The following MYO15A variants were observed in gnomAD, a reference collection of about 807,000 sequenced individuals.
MYO15A encodes the protein myosin XVA, also known as unconventional myosin-XV.
MYO15A carries 308 observed loss-of-function variants against 394.6 expected under a neutral mutation model. The observed-to-expected ratio is 0.78, with a 90% CI of 0.71 to 0.86. The LOEUF (loss-of-function observed/expected upper bound fraction) is 0.86, where lower values mean the gene tolerates loss of function less well. MYO15A is among the 40% of genes least tolerant of loss of function. MYO15A has a pLI of 0.00. For synonymous variants in MYO15A, 1,957 were observed against 2,003.8 expected (o/e 0.98, Z 0.62); for missense variants, 4,606 against 4,799.1 (o/e 0.96, Z 1.19).
At chr17:18,165,480 C>T (rs2046840441) in intron 60 of MYO15A, among the ~76,000 whole-genome samples, 1 of 152,196 alleles carries the variant, frequency 6.6e-6, no homozygotes, top group African/African-American at 2.4e-5. Flanking sequence ...TCTCTCCCTG[C>T]CAGCCTCTGC....
chr17:18,121,721 C>A lies in MYO15A; in HGVS notation c.2921C>A (p.Pro974His). Reference protein sequence around the residue: ...FLQLLGPVPSPTLQPEDPAAD... With the variant: ...FLQLLGPVPSHTLQPEDPAAD... Reference sequence around the variant, plus strand: ...CAGCTCCTGGGCCCTGTGCCATCCCCCACCCTCCAGCCTGAGGATCCAGCT... The same window carrying A: ...CAGCTCCTGGGCCCTGTGCCATCCCACACCCTCCAGCCTGAGGATCCAGCT... Residue 974 changes from proline (P) to histidine (H), a missense_variant, in exon 2 of 66, where the codon CCC becomes CAC. Coordinates refer to ENST00000647165, the MANE Select transcript of MYO15A (RefSeq NM_016239.4). This position sits in a 1 kb window ranked among gnomAD's most constrained non-coding sequence, Gnocchi z 5.3. 6.2e-7 allele frequency: 1 copy of A among 1,601,196 alleles called. No individual in the cohort carries two copies.
Position 18,150,023 on chromosome 17 carries a change from A to G in MYO15A, c.7213-406A>G. The G allele has an allele frequency of 3.1e-6, 1 of 319,452 alleles. No individual in the cohort carries two copies. Among genetic ancestry groups the G allele is most frequent in the East Asian group, 7.4e-5 (1 of 13,440 alleles). 19.8% of individuals were successfully genotyped at this position (319,452 alleles called of 1,614,324 possible). ...GCAGCCAGCCCCCCGGGGCCACTAA[A>G]ATATCTCTATCTGGATGGAGTTGAA... On this transcript the variant is annotated intron_variant, in intron 35 of 65. Coordinates refer to ENST00000647165, the MANE Select transcript of MYO15A (RefSeq NM_016239.4). The surrounding 1 kb of genome is among the most constrained non-coding windows in gnomAD (Gnocchi z 4.4).
In MYO15A at chr17:18,143,791, T is replaced by C; in HGVS notation, c.6041T>C (p.Val2014Ala). Reference protein sequence around the residue: ...PAELAGLLQAVAGLGLAQVPQ... With the variant: ...PAELAGLLQAAAGLGLAQVPQ... Reference sequence around the variant, plus strand: ...GAGCTGGCTGGGCTCTTGCAAGCAGTGGCAGGTGGGTCAGCACCAGGCGGG... The same window carrying C: ...GAGCTGGCTGGGCTCTTGCAAGCAGCGGCAGGTGGGTCAGCACCAGGCGGG... Residue 2014 changes from valine to alanine, a missense_variant, in exon 27 of 66, where the codon GTG becomes GCG. Transcript: ENST00000647165. 1.3e-6 allele frequency: 2 copies of C among 1,585,146 alleles called. No individual in the cohort carries two copies. Among genetic ancestry groups the C allele is most frequent in the Non-Finnish European group, 1.7e-6 (2 of 1,165,884 alleles).
intron 56 of MYO15A, 40 bp downstream of exon 56, chr17:18,160,057 G>A: frequency 1.3e-6 from 2 of 1,588,890 alleles, no homozygotes; most frequent in Non-Finnish European, 1.7e-6. Context: ...CCCTCACTGT[G>A]TCCATGCTCC....
At chr17:18,151,365 C>T in intron 39 of MYO15A, 30 bp from the exon 40 acceptor site, 1 of 1,614,204 alleles carries the variant, frequency 6.2e-7, no homozygotes, top group South Asian at 1.1e-5. Context: ...TGTGGCCTCA[C>T]CCTGTTCCCA....
At chr17:18,154,899 C>T (rs752284251) in intron 45 of MYO15A, 144 bp downstream of exon 45, 26 of 1,056,602 alleles carry the variant, frequency 2.5e-5, no homozygotes, top group Non-Finnish European at 3.2e-5. Context: ...TCTGGCCTCT[C>T]GCATGGCCGG....
chr17:18,152,135 G>C lies in MYO15A; in HGVS notation c.7917G>C (p.Leu2639=). ...AGGTGTCCAGAGAGGCCGTGGCCCT[G>C]GTGAAGCCGGTGACCAGTGCACCAA... The part of the protein sequence containing the change: ...GTQVSREAVA[L]VKPVTSAPRP... Residue 2639 remains leucine, a synonymous_variant, in exon 42 of 66, where the codon CTG becomes CTC. Transcript: ENST00000647165. 1.3e-6 allele frequency: 2 copies of C among 1,551,636 alleles called. No homozygotes were observed. The highest frequency in any genetic ancestry group is 8.7e-7 in the Non-Finnish European group (1 of 1,147,266).
chr17:18,133,501 G>T, intron 12 of MYO15A, 115 bp downstream of exon 12: 2 of 1,372,788 alleles, frequency 1.5e-6, no homozygotes, highest in South Asian at 2.9e-5. Flanking sequence ...ACTTGTTCCT[G>T]TTTTTTTCTT....
chr17:18,133,805 C>T (rs937165853), intron 12 of MYO15A, among the ~76,000 whole-genome samples: 1 of 151,868 alleles, frequency 6.6e-6, no homozygotes, highest in African/African-American at 2.4e-5. Flanking sequence ...TACAGGCACA[C>T]ACCACTACCG....
At chr17:18,167,788 C>T (rs1304308248) in intron 62 of MYO15A, 65 bp downstream of exon 62, 4 of 1,593,624 alleles carry the variant, frequency 2.5e-6, no homozygotes, top group African/African-American at 2.7e-5. Flanking sequence ...AGCCCACCTC[C>T]ACCCTCCTCA....
At chr17:18,130,175 A>G (rs933547545) in intron 7 of MYO15A, among the ~76,000 whole-genome samples, 34 of 152,280 alleles carry the variant, frequency 2.2e-4, no homozygotes, top group African/African-American at 8.2e-4. Context: ...CACCATGCCC[A>G]GCCGATGCTA....
At chr17:18,113,474 AG>A (rs1258824276) in intron 1 of MYO15A, among the ~76,000 whole-genome samples, 1 of 152,174 alleles carries the variant, frequency 6.6e-6, no homozygotes, top group Non-Finnish European at 1.5e-5. Flanking sequence ...ACACAAGCTG[AG>A]CATGGTGGCT....
At chr17:18,171,499 C>T in intron 62 of MYO15A, 139 bp from the exon 63 acceptor site, 1 of 1,317,960 alleles carries the variant, frequency 7.6e-7, no homozygotes, top group Non-Finnish European at 1.1e-6. Flanking sequence ...ACCCCACTTT[C>T]AGCCCATTTA....
Position 18,148,059 on chromosome 17 carries a change from C to T in MYO15A, c.6540C>T (p.Phe2180=), listed in dbSNP as rs2046510350. ...TGTCTGATTATGGGCGGAATGGCTT[C>T]CAGGCTGTGTGTCAGCACCGCCTCA... The part of the protein sequence containing the change: ...KFVSDYGRNG[F]QAVCQHRLMQ... The change falls in exon 31 of 66, where the codon TTC becomes TTT. Residue 2180 remains phenylalanine (F), a synonymous_variant. Transcript: ENST00000647165. This position sits in a 1 kb window ranked among gnomAD's most constrained non-coding sequence, Gnocchi z 4.8. 1 of 1,613,970 alleles carries T rather than the reference C, an allele frequency of 6.2e-7. No individual in the cohort carries two copies. The highest frequency in any genetic ancestry group is 1.1e-5 in the South Asian group (1 of 91,092).
rs749961073 is a variant in MYO15A at position 18,148,222 on chromosome 17, T to A, written c.6691+12T>A. The stretch of plus-strand genomic sequence containing the variant: ...GGGCTGCTTCAATGGTAAGCTGCCT[T>A]CCCCCACCTCAGTGAGGGCAGTGGG... On this transcript the variant is annotated intron_variant, in intron 31 of 65. Transcript: ENST00000647165. The surrounding 1 kb of genome is among the most constrained non-coding windows in gnomAD (Gnocchi z 4.8). 6.2e-7 allele frequency: 1 copy of A among 1,613,192 alleles called. No individual in the cohort carries two copies. Among genetic ancestry groups the A allele is most frequent in the Admixed American group, 1.7e-5 (1 of 60,008 alleles).
At chr17:18,146,257 A>G (rs536569693) in intron 30 of MYO15A, 150 bp downstream of exon 30, 2 of 851,608 alleles carry the variant, frequency 2.3e-6, no homozygotes, top group Non-Finnish European at 3.8e-6. Flanking sequence ...CTGCATTTCT[A>G]CTGGGCTCAG....
chr17:18,138,934 C>A lies in MYO15A; in HGVS notation c.5131C>A (p.Gln1711Lys). ...GCACTATGCAGGCAAGGTCACCTACCAGGTGAGCCCTAAGACAGTCGGCCT... is the reference window on the plus strand; with the variant it reads ...GCACTATGCAGGCAAGGTCACCTACAAGGTGAGCCCTAAGACAGTCGGCCT... ...IKHYAGKVTY[Q>K]VHKFLDKNHD... The change falls in exon 18 of 66, where the codon CAG (glutamine) becomes AAG (lysine). Residue 1711 changes from glutamine to lysine, a missense_variant and splice_region_variant. By Grantham distance (53) the Gln-to-Lys change is moderately conservative. This residue lies in a region of MYO15A where 2,776 missense variants were observed against 3,109.3 expected (regional missense o/e 0.89). Coordinates refer to ENST00000647165, the MANE Select transcript of MYO15A (RefSeq NM_016239.4). The A allele has an allele frequency of 6.2e-7, 1 of 1,611,834 alleles. No homozygotes were observed. Among genetic ancestry groups the A allele is most frequent in the Non-Finnish European group, 8.5e-7 (1 of 1,178,960 alleles).
At chr17:18,135,914 C>G in intron 13 of MYO15A, 90 bp downstream of exon 13, 1 of 1,185,134 alleles carries the variant, frequency 8.4e-7, no homozygotes, top group Non-Finnish European at 1.2e-6. Flanking sequence ...GGCAGCCTCT[C>G]CCTCTCTCCT....
Position 18,148,818 on chromosome 17 carries a change from G to C in MYO15A, c.6822G>C (p.Trp2274Cys). 1 of 1,605,990 alleles carries C rather than the reference G, an allele frequency of 6.2e-7. No individual in the cohort carries two copies. Among genetic ancestry groups the C allele is most frequent in the Non-Finnish European group, 8.5e-7 (1 of 1,176,168 alleles). Residue 2274 changes from tryptophan to cysteine, a missense_variant, in exon 33 of 66, where the codon TGG (tryptophan) becomes TGC (cysteine). Transcript: ENST00000647165. The surrounding 1 kb of genome is among the most constrained non-coding windows in gnomAD (Gnocchi z 4.8). The stretch of plus-strand genomic sequence containing the variant: ...TGGCCATGAAGAATGGTGTCCAGTG[G>C]GCAGAGCTGGCTGGCCACGACTACG... ...WTVAMKNGVQ[W>C]AELAGHDYVL... is the part of the protein sequence containing the mutation.
Sources: gnomAD v4.1 joint callset for allele counts (sites outside exome capture counted in the v4.1 genomes callset) on GRCh38, gnomAD v4.1.1 for gene constraint, gnomAD v4.1.1 regional missense constraint, Gnocchi (gnomAD v3.1) non-coding constraint, MANE v1.5 for transcripts, NCBI Gene and HGNC (gene_info 2026-07-23, HGNC 2026-07-21) for gene names.